The following STK3 variants were observed in gnomAD, a reference collection of about 807,000 sequenced individuals.
The protein encoded by STK3 is serine/threonine kinase 3.
A neutral mutation model predicts 58.0 loss-of-function variants in STK3; 41 were observed. That is an observed-to-expected ratio of 0.71 (90% confidence interval 0.55 to 0.92). The LOEUF is 0.92. Among genes scored for constraint, STK3 ranks in the 40% least tolerant of loss-of-function variants. STK3 has a pLI of 0.00. For missense variants in STK3, 479 were observed against 602.7 expected (o/e 0.79, Z 2.15); for synonymous variants, 170 against 191.0 (o/e 0.89, Z 0.91).
At chr8:98,740,219 A>G (rs1394928751) in intron 4 of STK3, among the ~76,000 whole-genome samples, 23 of 152,182 alleles carry the variant, frequency 1.5e-4, no homozygotes, top group East Asian at 1.2e-3. Context: ...GCAGGCCAAC[A>G]TTCAGATTCA....
intron 4 of STK3, among the ~76,000 whole-genome samples, chr8:98,741,372 G>C (rs1028677755): frequency 2.0e-5 from 3 of 152,112 alleles, no homozygotes; most frequent in Non-Finnish European, 4.4e-5. Flanking sequence ...AAATGTAAAA[G>C]ATCAGAAATT....
In STK3 at chr8:98,857,195, G is replaced by A. The variant is rs76822740; in HGVS notation, c.110+26452C>T. 2.2e-3 allele frequency among the ~76,000 whole-genome samples: 331 copies of A among 152,254 alleles called. 2 individuals carry two copies. Among genetic ancestry groups the A allele is most frequent in the Non-Finnish European group, 2.9e-3 (198 of 68,032 alleles). On this transcript the variant is annotated intron_variant, in intron 3 of 12. Coordinates refer to the STK3 transcript ENST00000523601. ...GGCCACCGAATCACACACTTTAAAG[G>A]GTGAATTTTATGGTATGTGAATTAT...
At chr8:98,777,699 ACTT>A (rs1831794105) in intron 1 of STK3, among the ~76,000 whole-genome samples, 1 of 152,176 alleles carries the variant, frequency 6.6e-6, no homozygotes, top group South Asian at 2.1e-4. Flanking sequence ...TCAAAGAGAG[ACTT>A]CTAAGACAAA....
chr8:98,800,024 C>T lies in STK3; in HGVS notation c.27-25205G>A, dbSNP rs1032421181. On this transcript the variant is annotated intron_variant, in intron 1 of 10. Coordinates refer to ENST00000419617, the MANE Select transcript of STK3 (RefSeq NM_006281.4). The surrounding 1 kb of genome is among the most constrained non-coding windows in gnomAD (Gnocchi z 4.8). The stretch of plus-strand genomic sequence containing the variant: ...GCCACCCAGCGTTTACAGGAAAAGG[C>T]TTCTGAAATCAGACGCCTTTCAAAT... Among the ~76,000 whole-genome samples, 7 of 152,188 alleles carry T rather than the reference C, an allele frequency of 4.6e-5. No individual in the cohort carries two copies. Among genetic ancestry groups the T allele is most frequent in the South Asian group, 2.1e-4 (1 of 4,832 alleles).
At chr8:98,860,042 T>G (rs1340097899) in intron 3 of STK3, among the ~76,000 whole-genome samples, 2 of 152,214 alleles carry the variant, frequency 1.3e-5, no homozygotes, top group Non-Finnish European at 2.9e-5. Flanking sequence ...TTTATTCATG[T>G]TAGTTCAACT....
intron 3 of STK3, chr8:98,431,840 C>T (rs1381881910): frequency 1.8e-5 from 3 of 167,036 alleles, no homozygotes; most frequent in African/African-American, 7.2e-5. Flanking sequence ...TTTTTAACAT[C>T]TCTTGTACAT....
At position 98,429,439 on chromosome 8, in the gene STK3, C is replaced by G. The variant is rs115056651; in HGVS notation, n.483+4688G>C. The G allele has an allele frequency of 4.4e-4, 664 of 1,522,514 alleles. 4 individuals are homozygous for G. In the African/African-American group the frequency reaches 8.6e-3, roughly 20 times the overall value. 94.3% of individuals were successfully genotyped at this position (1,522,514 alleles called of 1,614,324 possible). On this transcript the variant is annotated intron_variant and non_coding_transcript_variant, in intron 3 of 3. Coordinates refer to the STK3 transcript ENST00000517832. ...CCGGGAGGACTTGTCACCCTCCACC[C>G]CACATTGCTGAGCTGCCTCTTGTGC...
intron 4 of STK3, among the ~76,000 whole-genome samples, chr8:98,713,864 C>T (rs1474708996): frequency 7.9e-5 from 12 of 152,026 alleles, no homozygotes; most frequent in East Asian, 5.8e-4. Flanking sequence ...TGATGAACAT[C>T]GATGCAAAAA....
chr8:98,740,208 G>A (rs1254260713), intron 4 of STK3, among the ~76,000 whole-genome samples: 2 of 152,086 alleles, frequency 1.3e-5, no homozygotes, highest in African/African-American at 4.8e-5. Context: ...AATCTAGCAA[G>A]GCAGGCCAAC....
intron 6 of STK3, among the ~76,000 whole-genome samples, chr8:98,632,595 T>G (rs891448654): frequency 6.6e-6 from 1 of 152,210 alleles, no homozygotes; most frequent in African/African-American, 2.4e-5. Context: ...ATTGGACATA[T>G]GCCATACTAT....
chr8:98,426,175 T>C (rs1818230279), intron 3 of STK3, among the ~76,000 whole-genome samples: 1 of 151,988 alleles, frequency 6.6e-6, no homozygotes, highest in Non-Finnish European at 1.5e-5. Flanking sequence ...TCTCAACATA[T>C]TCCACACACA....
intron 2 of STK3, among the ~76,000 whole-genome samples, chr8:98,435,388 G>C (rs536853104): frequency 1.3e-5 from 2 of 152,206 alleles, no homozygotes; most frequent in Non-Finnish European, 2.9e-5. Flanking sequence ...GGTGCAGATG[G>C]GGGGCAGAAG....
chr8:98,828,451 A>AC (rs1564043555), upstream of STK3, among the ~76,000 whole-genome samples: 1,032 of 148,736 alleles, frequency 6.9e-3, 17 homozygotes, highest in African/African-American at 0.024. Flanking sequence ...AAAAAAAAAA[A>AC]AAAAAAAAAA....
intron 3 of STK3, among the ~76,000 whole-genome samples, chr8:98,866,510 C>T (rs1837151808): frequency 6.6e-6 from 1 of 152,184 alleles, no homozygotes; most frequent in African/African-American, 2.4e-5. Flanking sequence ...GTCCAAGGCA[C>T]AAGCACTCTG....
chr8:98,612,069 CATTT>C (rs1817240371), intron 6 of STK3, among the ~76,000 whole-genome samples: 1 of 148,892 alleles, frequency 6.7e-6, no homozygotes, highest in African/African-American at 2.4e-5. Context: ...ATATAATAGA[CATTT>C]ATATAAATAT....
At chr8:98,542,332 A>G (rs1333466680) in intron 9 of STK3, among the ~76,000 whole-genome samples, 3 of 152,230 alleles carry the variant, frequency 2.0e-5, no homozygotes, top group Non-Finnish European at 4.4e-5. Context: ...CTCAAGTCGT[A>G]TCAATAGATA....
intron 3 of STK3, among the ~76,000 whole-genome samples, chr8:98,404,214 T>C (rs1321790585): frequency 6.6e-6 from 1 of 152,236 alleles, no homozygotes; most frequent in African/African-American, 2.4e-5. Context: ...AGCATCTCTC[T>C]ATGGGACATG....
chr8:98,743,793 C>G (rs1031414686), intron 4 of STK3, among the ~76,000 whole-genome samples: 2 of 151,776 alleles, frequency 1.3e-5, no homozygotes, highest in African/African-American at 4.8e-5. Flanking sequence ...TCAGAGTGAA[C>G]AGGCAACCTA....
Position 98,428,948 on chromosome 8 carries a change from A to G in STK3, n.483+5179T>C. The G allele has an allele frequency of 1.2e-6, 2 of 1,614,106 alleles. No individual in the cohort carries two copies. Among genetic ancestry groups the G allele is most frequent in the Non-Finnish European group, 8.5e-7 (1 of 1,180,034 alleles). Reference sequence around the variant, plus strand: ...TCCGCTCCCTGGGGGCCACTTTGAAATACAGCTACAAAGAAGTAGGGCTGC... The same window carrying G: ...TCCGCTCCCTGGGGGCCACTTTGAAGTACAGCTACAAAGAAGTAGGGCTGC... On this transcript the variant is annotated intron_variant and non_coding_transcript_variant, in intron 3 of 3. Transcript: ENST00000517832. This position sits in a 1 kb window ranked among gnomAD's most constrained non-coding sequence, Gnocchi z 6.7.
Sources: allele counts gnomAD v4.1 joint callset (sites outside exome capture counted in the v4.1 genomes callset), GRCh38; gene constraint gnomAD v4.1.1; non-coding constraint Gnocchi (gnomAD v3.1); transcripts MANE v1.5; gene names NCBI Gene and HGNC (gene_info 2026-07-23, HGNC 2026-07-21).